Variants in VWC2L observed in about 807,000 individuals in gnomAD.
VWC2L encodes the protein von Willebrand factor C domain-containing protein 2-like.
Under a neutral mutation model 21.6 loss-of-function variants are expected in VWC2L, and 10 were observed. The ratio of observed to expected loss-of-function variants is 0.46; its 90% confidence interval spans 0.29 to 0.78. The LOEUF (loss-of-function observed/expected upper bound fraction) is 0.78. Ranked by LOEUF, VWC2L falls within the 30% of genes least tolerant of loss-of-function variation. VWC2L has a pLI of 0.10. For synonymous variants in VWC2L, 96 were observed against 94.3 expected (o/e 1.02, Z -0.10); for missense variants, 209 against 277.1 (o/e 0.75, Z 1.74).
intron 3 of VWC2L, among the ~76,000 whole-genome samples, chr2:214,462,806 T>C (rs1032763632): frequency 1.3e-5 from 2 of 152,334 alleles, no homozygotes; most frequent in South Asian, 2.1e-4. Context: ...AATTCTGCTT[T>C]AGTATCATTC....
intron 3 of VWC2L, among the ~76,000 whole-genome samples, chr2:214,530,131 C>T (rs1384191042): frequency 6.6e-6 from 1 of 152,142 alleles, no homozygotes; most frequent in Admixed American, 6.6e-5. Context: ...ACTTACATTG[C>T]CATTTCCTTG....
intron 3 of VWC2L, among the ~76,000 whole-genome samples, chr2:214,513,591 G>A (rs556488521): frequency 2.1e-4 from 32 of 152,170 alleles, no homozygotes; most frequent in African/African-American, 7.5e-4. Context: ...AACATGATAT[G>A]TGGCCATATC....
intron 3 of VWC2L, among the ~76,000 whole-genome samples, chr2:214,527,486 C>A (rs559422775): frequency 2.0e-5 from 3 of 152,302 alleles, no homozygotes; most frequent in Non-Finnish European, 2.9e-5. Flanking sequence ...ATGTGGCCTG[C>A]TGCTGCTTCT....
chr2:214,447,704 A>T (rs554869836), intron 3 of VWC2L, among the ~76,000 whole-genome samples: 1 of 152,272 alleles, frequency 6.6e-6, no homozygotes, highest in East Asian at 1.9e-4. Flanking sequence ...CTAGAAGGTT[A>T]TCCCTCTATC....
chr2:214,536,079 G>A (rs1294184901), intron 3 of VWC2L, among the ~76,000 whole-genome samples: 2 of 152,068 alleles, frequency 1.3e-5, no homozygotes, highest in Non-Finnish European at 2.9e-5. Context: ...TACACTGTGA[G>A]GACCTGTTTT....
intron 3 of VWC2L, among the ~76,000 whole-genome samples, chr2:214,571,589 C>T (rs1445600973): frequency 1.3e-5 from 2 of 152,106 alleles, no homozygotes; most frequent in South Asian, 2.1e-4. Context: ...TTCAGTTAAA[C>T]AAATTTATAC....
intron 2 of VWC2L, among the ~76,000 whole-genome samples, chr2:214,420,135 T>C (rs1225804905): frequency 6.6e-6 from 1 of 152,176 alleles, no homozygotes; most frequent in South Asian, 2.1e-4. Flanking sequence ...TTGATGCCAA[T>C]TTGGATTTAG....
At chr2:214,570,254 T>C (rs868010137) in intron 3 of VWC2L, among the ~76,000 whole-genome samples, 18 of 152,332 alleles carry the variant, frequency 1.2e-4, no homozygotes, top group Middle Eastern at 6.8e-3. Flanking sequence ...TCTCATATTG[T>C]TCTTCCTTGT....
chr2:214,502,727 C>T (rs1688912239), intron 3 of VWC2L, among the ~76,000 whole-genome samples: 1 of 152,158 alleles, frequency 6.6e-6, no homozygotes, highest in Non-Finnish European at 1.5e-5. Context: ...TTTTGTGTAA[C>T]ACCAGGTCAT....
At chr2:214,493,436 G>A (rs1688771251) in intron 3 of VWC2L, among the ~76,000 whole-genome samples, 1 of 152,156 alleles carries the variant, frequency 6.6e-6, no homozygotes, top group Non-Finnish European at 1.5e-5. Context: ...GCTAGACCCA[G>A]AGGCTCACAA....
At chr2:214,439,605 A>G (rs1279636513) in intron 3 of VWC2L, among the ~76,000 whole-genome samples, 1 of 151,982 alleles carries the variant, frequency 6.6e-6, no homozygotes. Context: ...GCTGTCAAAT[A>G]CTTTGGTTTT....
At chr2:214,506,887 T>C (rs1688974870) in intron 3 of VWC2L, among the ~76,000 whole-genome samples, 1 of 152,026 alleles carries the variant, frequency 6.6e-6, no homozygotes, top group Non-Finnish European at 1.5e-5. Context: ...AAAGTCTGTG[T>C]CTAAATATAT....
intron 3 of VWC2L, among the ~76,000 whole-genome samples, chr2:214,521,838 T>A (rs1241786827): frequency 6.6e-6 from 1 of 152,212 alleles, no homozygotes; most frequent in Non-Finnish European, 1.5e-5. Context: ...GCTATCTGTA[T>A]GAGCAAAAAA....
chr2:214,457,699 T>G (rs1017289778), intron 3 of VWC2L, among the ~76,000 whole-genome samples: 3 of 152,178 alleles, frequency 2.0e-5, no homozygotes, highest in African/African-American at 7.2e-5. Context: ...GATGTTGAAT[T>G]TTATCAAATG....
intron 3 of VWC2L, among the ~76,000 whole-genome samples, chr2:214,525,961 C>T (rs1168486442): frequency 2.0e-5 from 3 of 151,970 alleles, no homozygotes; most frequent in Non-Finnish European, 2.9e-5. Flanking sequence ...TGACTTAGTA[C>T]ATGTAAGGCA....
At chr2:214,558,659 T>A (rs1689913510) in intron 3 of VWC2L, among the ~76,000 whole-genome samples, 1 of 152,092 alleles carries the variant, frequency 6.6e-6, no homozygotes, top group Non-Finnish European at 1.5e-5. Context: ...GTGTAAAAAT[T>A]GATTCAATTA....
intron 3 of VWC2L, among the ~76,000 whole-genome samples, chr2:214,552,628 C>T (rs551337682): frequency 2.4e-4 from 36 of 152,304 alleles, no homozygotes; most frequent in African/African-American, 8.7e-4. Context: ...TAATTCACAG[C>T]TCCCTTCCCA....
chr2:214,533,601 A>C (rs1329974161), intron 3 of VWC2L, among the ~76,000 whole-genome samples: 1 of 152,044 alleles, frequency 6.6e-6, no homozygotes, highest in Non-Finnish European at 1.5e-5. Flanking sequence ...AACAAATAAC[A>C]GACAGGATCC....
At chr2:214,552,033 G>T (rs1440136228) in intron 3 of VWC2L, among the ~76,000 whole-genome samples, 1 of 152,138 alleles carries the variant, frequency 6.6e-6, no homozygotes, top group Admixed American at 6.5e-5. Flanking sequence ...AAAACATATT[G>T]TGGTTTAGTG....
Sources: allele counts gnomAD v4.1 joint callset (sites outside exome capture counted in the v4.1 genomes callset), GRCh38; gene constraint gnomAD v4.1.1; transcripts MANE v1.5; gene names NCBI Gene and HGNC (gene_info 2026-07-23, HGNC 2026-07-21).